ACAT1: variants seen among roughly 807,000 people sequenced by gnomAD.
The protein encoded by ACAT1 is acetyl-CoA acetyltransferase 1.
A neutral mutation model predicts 47.3 loss-of-function variants in ACAT1; 28 were observed. The ratio of observed to expected loss-of-function variants is 0.59; its 90% confidence interval spans 0.44 to 0.81. ACAT1 has a LOEUF of 0.81. Among genes scored for constraint, ACAT1 ranks in the 30% least tolerant of loss-of-function variants. The pLI, the probability that ACAT1 is intolerant of heterozygous loss-of-function variation, is 0.00. For synonymous variants in ACAT1, 181 were observed against 173.6 expected (o/e 1.04, Z -0.34); for missense variants, 469 against 524.3 (o/e 0.89, Z 1.03).
chr11:108,120,268 C>T (rs2077125423), upstream of ACAT1, among the ~76,000 whole-genome samples: 1 of 151,834 alleles, frequency 6.6e-6, no homozygotes, highest in South Asian at 2.1e-4. Flanking sequence ...AGGCCAAGGC[C>T]AGAAGATCTC....
upstream of ACAT1, among the ~76,000 whole-genome samples, chr11:108,119,166 A>C (rs1038347938): frequency 2.0e-5 from 3 of 152,154 alleles, no homozygotes; most frequent in African/African-American, 7.2e-5. Context: ...ACTGGTTCAT[A>C]TTAAGAACTA....
intron 10 of ACAT1, chr11:108,144,284 C>A: frequency 1.8e-6 from 1 of 549,302 alleles, no homozygotes; most frequent in Non-Finnish European, 3.2e-6. Flanking sequence ...AACTACACAT[C>A]TGAATTACTT....
chr11:108,139,961 A>G, intron 6 of ACAT1, 104 bp from the exon 7 acceptor site: 1 of 1,407,384 alleles, frequency 7.1e-7, no homozygotes, highest in Non-Finnish European at 9.7e-7. Flanking sequence ...TAAGAAATAT[A>G]TTTTAAGAAA....
At chr11:108,136,298 G>T (rs543498272) in intron 5 of ACAT1, 2 of 406,386 alleles carry the variant, frequency 4.9e-6, no homozygotes, top group Non-Finnish European at 8.7e-6. Context: ...ATCTGTACAT[G>T]TGCAGGTCTC....
In ACAT1 at chr11:108,121,633, C is replaced by G; in HGVS notation, c.27C>G (p.Arg9=). The change falls in exon 1 of 12, where the codon CGC becomes CGG. Residue 9 remains arginine (R), a synonymous_variant. Coordinates refer to ENST00000265838, the MANE Select transcript of ACAT1 (RefSeq NM_000019.4). ...TGGCTGTGCTGGCGGCACTTCTGCG[C>G]AGCGGCGCCCGCAGCCGCAGCCCCC... MAVLAALL[R]SGARSRSPLL... The G allele has an allele frequency of 6.4e-7, 1 of 1,550,788 alleles. No homozygotes were observed.
chr11:108,118,050 C>G (rs1339451868), upstream of ACAT1, among the ~76,000 whole-genome samples: 1 of 152,168 alleles, frequency 6.6e-6, no homozygotes, highest in Non-Finnish European at 1.5e-5. Flanking sequence ...ATACATCTGT[C>G]CAGACACTAT....
rs75429367 is a variant in ACAT1 at position 108,147,096 on chromosome 11, C to G, written c.1164-174C>G. On this transcript the variant is annotated intron_variant, in intron 11 of 11. Transcript: ENST00000265838. The stretch of plus-strand genomic sequence containing the variant: ...TCCATCTCAAAAAATGATCTAAGAT[C>G]TGTGACCCTTCCTGAAACAAGTCCT... Among the ~76,000 whole-genome samples the G allele has an allele frequency of 6.4e-4, 98 of 152,240 alleles. 2 individuals carry two copies. In the East Asian group the frequency reaches 0.017, roughly 26 times the overall value.
At chr11:108,142,813 G>T (rs368513092) in intron 9 of ACAT1, 2 of 449,062 alleles carry the variant, frequency 4.5e-6, no homozygotes, top group African/African-American at 2.0e-5. Context: ...CTCCAGCCTG[G>T]GTGACAGAGC....
intron 8 of ACAT1, 86 bp downstream of exon 8, chr11:108,141,786 T>TAAC: frequency 5.6e-6 from 2 of 358,850 alleles, no homozygotes; most frequent in Admixed American, 4.3e-5. Flanking sequence ...TTTTGAAAAA[T>TAAC]TCTAGAAAAC....
intron 11 of ACAT1, among the ~76,000 whole-genome samples, chr11:108,146,864 G>A (rs943598814): frequency 8.5e-5 from 13 of 152,186 alleles, no homozygotes; most frequent in Admixed American, 7.9e-4. Context: ...AACAGATCAC[G>A]AGGTCAAGAG....
At chr11:108,131,827 ATAACCT>A (rs2077365743) in intron 1 of ACAT1, 74 bp from the exon 2 acceptor site, 1 of 654,106 alleles carries the variant, frequency 1.5e-6, no homozygotes, top group East Asian at 3.6e-5. Flanking sequence ...AGAAACCACT[ATAACCT>A]TATCACTGAG....
chr11:108,118,576 G>A (rs558381474), upstream of ACAT1, among the ~76,000 whole-genome samples: 20 of 152,088 alleles, frequency 1.3e-4, no homozygotes, highest in African/African-American at 3.9e-4. Context: ...GGGTTTCACC[G>A]TGTTAGGATG....
intron 11 of ACAT1, 127 bp from the exon 12 acceptor site, chr11:108,147,140 ATAG>A: frequency 9.1e-7 from 1 of 1,093,936 alleles, no homozygotes; most frequent in Non-Finnish European, 1.3e-6. Context: ...TAGTTTTAGA[ATAG>A]TAGTAGTTAA....
rs1439617035 is a variant in ACAT1 at position 108,147,297 on chromosome 11, T to C, written c.1191T>C (p.His397=). Residue 397 remains histidine (H), a synonymous_variant, in exon 12 of 12, where the codon CAT becomes CAC. Coordinates refer to ENST00000265838, the MANE Select transcript of ACAT1 (RefSeq NM_000019.4). Reference sequence around the variant, plus strand: ...TGTCTGGAGCCAGGATTGTTGGTCATTTGACTCATGCCTTGAAGCAAGGAG... The same window carrying C: ...TGTCTGGAGCCAGGATTGTTGGTCACTTGACTCATGCCTTGAAGCAAGGAG... ...IGMSGARIVG[H]LTHALKQGEY... 6.8e-6 allele frequency: 11 copies of C among 1,613,836 alleles called. No individual in the cohort carries two copies. Among genetic ancestry groups the C allele is most frequent in the Non-Finnish European group, 9.3e-6 (11 of 1,179,902 alleles).
chr11:108,138,015 G>A (rs2077499645), intron 5 of ACAT1, among the ~76,000 whole-genome samples: 1 of 151,976 alleles, frequency 6.6e-6, no homozygotes, highest in Non-Finnish European at 1.5e-5. Context: ...TAAAGACAGA[G>A]TCTTGCTTTG....
chr11:108,117,639 T>G (rs1473430989), upstream of ACAT1, among the ~76,000 whole-genome samples: 1 of 152,116 alleles, frequency 6.6e-6, no homozygotes, highest in African/African-American at 2.4e-5. Context: ...AAACATATCT[T>G]TTGGAAGGAC....
chr11:108,141,832 C>G (rs771301896), intron 8 of ACAT1, 132 bp downstream of exon 8: 1 of 681,550 alleles, frequency 1.5e-6, no homozygotes, highest in Non-Finnish European at 2.6e-6. Flanking sequence ...GTATATCAGG[C>G]TCATGTAAAA....
intron 1 of ACAT1, chr11:108,129,345 T>TG (rs1565285673): frequency 6.6e-6 from 1 of 152,238 alleles, no homozygotes; most frequent in African/African-American, 2.4e-5. Flanking sequence ...GCTATGAACA[T>TG]GCGTGTGCAA....
chr11:108,146,447 C>T lies in ACAT1; in HGVS notation c.1163+88C>T. On this transcript the variant is annotated intron_variant, in intron 11 of 11. Coordinates refer to ENST00000265838, the MANE Select transcript of ACAT1 (RefSeq NM_000019.4). ...AAACTGCTTCATAATTCCCATTGCT[C>T]TTAAGTTTTCCTTCCTACCCATCTT... is the stretch of plus-strand genomic sequence containing the variant. The T allele has an allele frequency of 6.0e-6, 9 of 1,491,768 alleles. No individual in the cohort carries two copies. In the South Asian group the frequency reaches 1.0e-4, roughly 17 times the overall value. The allele number at this position is 1,491,768 out of a possible 1,614,324, so 92.4% of individuals were successfully genotyped here.
Sources: allele counts gnomAD v4.1 joint callset (sites outside exome capture counted in the v4.1 genomes callset), GRCh38; gene constraint gnomAD v4.1.1; transcripts MANE v1.5; gene names NCBI Gene and HGNC (gene_info 2026-07-23, HGNC 2026-07-21).